Variants in NEDD1 observed in about 807,000 individuals in gnomAD.
NEDD1 encodes the protein NEDD1 gamma-tubulin ring complex targeting factor.
NEDD1 carries 33 observed loss-of-function variants against 74.0 expected under a neutral mutation model. The observed-to-expected ratio is 0.45, with a 90% CI of 0.34 to 0.60. The LOEUF (loss-of-function observed/expected upper bound fraction) is 0.60. NEDD1 is among the 20% of genes least tolerant of loss of function. The pLI is 0.01. For missense variants in NEDD1, 746 were observed against 776.5 expected, an observed-to-expected ratio of 0.96 and a Z score of 0.47; for synonymous variants, 250 against 264.4, an observed-to-expected ratio of 0.95 and a Z score of 0.53.
intron 14 of NEDD1, among the ~76,000 whole-genome samples, chr12:96,946,149 A>G (rs1025657462): frequency 3.9e-5 from 6 of 152,120 alleles, no homozygotes; most frequent in African/African-American, 1.4e-4. Flanking sequence ...GTAAGCTTAA[A>G]TTGGGTTCTT....
intron 2 of NEDD1, 81 bp downstream of exon 2, chr12:96,907,937 C>T: frequency 8.2e-7 from 1 of 1,219,778 alleles, no homozygotes; most frequent in Non-Finnish European, 1.0e-6. Flanking sequence ...AGTTGTGTTT[C>T]CTAAGTTGGA....
At chr12:96,950,509 T>A (rs1878615798) in intron 14 of NEDD1, among the ~76,000 whole-genome samples, 1 of 151,894 alleles carries the variant, frequency 6.6e-6, no homozygotes, top group South Asian at 2.1e-4. Flanking sequence ...GGAAAATAGA[T>A]ACACCAGTAC....
intron 4 of NEDD1, among the ~76,000 whole-genome samples, chr12:96,916,252 T>G (rs1172606540): frequency 6.7e-6 from 1 of 149,414 alleles, no homozygotes; most frequent in Non-Finnish European, 1.5e-5. Flanking sequence ...ATTATTATTA[T>G]TATTATTATT....
Position 96,943,738 on chromosome 12 carries a change from G to A in NEDD1, c.1473G>A (p.Gln491=), listed in dbSNP as rs1326187722. 2.5e-6 allele frequency: 4 copies of A among 1,609,698 alleles called. No homozygotes were observed. The highest frequency in any genetic ancestry group is 2.5e-6 in the Non-Finnish European group (3 of 1,176,716). ...AESKKIYMGK[Q]ESKDSFKQLA... is the part of the protein sequence containing the mutation. ...CTAAGAAAATATATATGGGAAAACA[G>A]GAATCTAAAGACTCCTTCAAACAGG... is the stretch of plus-strand genomic sequence containing the variant. The change falls in exon 12 of 16, where the codon CAG becomes CAA. Residue 491 remains glutamine, a synonymous_variant. Coordinates refer to ENST00000266742, the MANE Select transcript of NEDD1 (RefSeq NM_152905.4).
intron 6 of NEDD1, among the ~76,000 whole-genome samples, chr12:96,926,587 A>G (rs1875721636): frequency 6.6e-6 from 1 of 151,744 alleles, no homozygotes; most frequent in Non-Finnish European, 1.5e-5. Context: ...TTTTCCTGCA[A>G]GCAGTACTGC....
intron 6 of NEDD1, among the ~76,000 whole-genome samples, chr12:96,925,127 A>G (rs1875554463): frequency 6.6e-6 from 1 of 152,202 alleles, no homozygotes; most frequent in Admixed American, 6.5e-5. Context: ...TGTGAAAGCA[A>G]TAAACTGCGG....
intron 11 of NEDD1, among the ~76,000 whole-genome samples, chr12:96,943,033 A>G (rs1877823951): frequency 6.6e-6 from 1 of 152,068 alleles, no homozygotes; most frequent in Non-Finnish European, 1.5e-5. Context: ...TCTTAAGATT[A>G]TGTTAATAAC....
In NEDD1 at chr12:96,944,796, G is replaced by GT. The variant is rs1878034824; in HGVS notation, c.1654+2dup. ...CCAATCAATGGATCCTCAACTCCAA[G>GT]TAAGTACATGAAACTTCCTGATGTT... On this transcript the variant is annotated splice_donor_variant, in intron 13 of 15. Transcript: ENST00000266742. LOFTEE classifies it high-confidence loss of function. 1 of 1,537,478 alleles carries GT rather than the reference G, an allele frequency of 6.5e-7. No homozygotes were observed. The highest frequency in any genetic ancestry group is 1.4e-5 in the African/African-American group (1 of 70,596).
intron 6 of NEDD1, among the ~76,000 whole-genome samples, chr12:96,923,422 T>A (rs986514371): frequency 6.6e-6 from 1 of 152,204 alleles, no homozygotes; most frequent in Admixed American, 6.5e-5. Flanking sequence ...ACAGTTTTAC[T>A]TTATGAAAAA....
intron 4 of NEDD1, among the ~76,000 whole-genome samples, chr12:96,916,489 A>G (rs1408678988): frequency 7.7e-6 from 1 of 129,324 alleles, no homozygotes; most frequent in Non-Finnish European, 1.6e-5. Context: ...CCCACCTATG[A>G]GTGAGAATAT....
rs557940185 is a variant in NEDD1 at position 96,920,539 on chromosome 12, G to A, written c.489+414G>A. On this transcript the variant is annotated intron_variant, in intron 6 of 15. Transcript: ENST00000266742. ...ATGATTGAGTGTGTTTAGGCAGAGAGTAATTTAAGTTTTGCATTTTTGTTT... is the reference window on the plus strand; with the variant it reads ...ATGATTGAGTGTGTTTAGGCAGAGAATAATTTAAGTTTTGCATTTTTGTTT... Among the ~76,000 whole-genome samples the A allele has an allele frequency of 3.9e-5, 6 of 152,188 alleles. No homozygotes were observed. The East Asian group carries it at 9.7e-4, about 25-fold the overall frequency.
chr12:96,917,119 AT>A (rs2136522871), intron 4 of NEDD1, among the ~76,000 whole-genome samples: 1 of 152,224 alleles, frequency 6.6e-6, no homozygotes, highest in East Asian at 1.9e-4. Context: ...CTTAACGGAG[AT>A]TTGCTGGAAG....
intron 5 of NEDD1, among the ~76,000 whole-genome samples, chr12:96,918,610 G>T (rs1874725896): frequency 6.6e-6 from 1 of 152,120 alleles, no homozygotes; most frequent in African/African-American, 2.4e-5. Context: ...CATTCATTCT[G>T]TTAATGAATA....
In NEDD1 at chr12:96,920,106, T is replaced by A; in HGVS notation, c.470T>A (p.Phe157Tyr). Residue 157 changes from phenylalanine (F) to tyrosine (Y), a missense_variant, in exon 6 of 16, where the codon TTT becomes TAT. Phe to Tyr is a conservative substitution (Grantham distance 22). Transcript: ENST00000266742. ...ACCACTAATTTATCTAGTACTCCTT[T>A]TGGCCATGGTAGTAACCAGGTACAG... ...SVTTNLSSTP[F>Y]GHGSNQSVRH... The A allele has an allele frequency of 6.2e-7, 1 of 1,600,174 alleles. No individual in the cohort carries two copies. Among genetic ancestry groups the A allele is most frequent in the Non-Finnish European group, 8.5e-7 (1 of 1,171,254 alleles).
chr12:96,947,449 C>A (rs1878305021), intron 14 of NEDD1, among the ~76,000 whole-genome samples: 1 of 152,160 alleles, frequency 6.6e-6, no homozygotes, highest in African/African-American at 2.4e-5. Flanking sequence ...AGAGAGAAGG[C>A]ACCGTGGTAA....
intron 14 of NEDD1, among the ~76,000 whole-genome samples, chr12:96,946,709 C>A (rs928201134): frequency 1.3e-5 from 2 of 152,118 alleles, no homozygotes; most frequent in Non-Finnish European, 2.9e-5. Context: ...TGTGTTCTGC[C>A]ATGTGTGTTT....
chr12:96,951,209 G>A (rs879102048), intron 14 of NEDD1, among the ~76,000 whole-genome samples: 1 of 151,764 alleles, frequency 6.6e-6, no homozygotes, highest in South Asian at 2.1e-4. Context: ...TGTAATAATT[G>A]CATCTACTTG....
chr12:96,914,651 A>G (rs948067662), intron 4 of NEDD1, among the ~76,000 whole-genome samples: 3 of 152,148 alleles, frequency 2.0e-5, no homozygotes, highest in African/African-American at 7.2e-5. Flanking sequence ...GACCTTTTCT[A>G]CTTGAGAAAA....
intron 3 of NEDD1, among the ~76,000 whole-genome samples, chr12:96,911,011 A>C (rs1873868530): frequency 6.6e-6 from 1 of 152,212 alleles, no homozygotes; most frequent in Non-Finnish European, 1.5e-5. Context: ...TTCTTACTGA[A>C]TTAAATTTAC....
Sources: allele counts gnomAD v4.1 joint callset (sites outside exome capture counted in the v4.1 genomes callset), GRCh38; gene constraint gnomAD v4.1.1; transcripts MANE v1.5; gene names NCBI Gene and HGNC (gene_info 2026-07-23, HGNC 2026-07-21).